The following KCTD15 variants were observed in gnomAD, a reference collection of about 807,000 sequenced individuals.
KCTD15 encodes the protein BTB/POZ domain-containing protein KCTD15.
KCTD15 carries 11 observed loss-of-function variants against 27.2 expected under a neutral mutation model. That is an observed-to-expected ratio of 0.41 (90% CI 0.25 to 0.67). KCTD15 has a LOEUF of 0.67. KCTD15 is among the 30% of genes least tolerant of loss of function. The pLI, the probability that KCTD15 is intolerant of heterozygous loss-of-function variation, is 0.35. For missense variants in KCTD15, 350 were observed against 409.3 expected (o/e 0.86, Z 1.25); for synonymous variants, 163 against 176.0 (o/e 0.93, Z 0.58).
intron 5 of KCTD15, 48 bp from the exon 6 acceptor site, chr19:33,811,199 C>CCCCCCAA: frequency 3.0e-6 from 4 of 1,327,590 alleles, no homozygotes; most frequent in Admixed American, 2.6e-5. Flanking sequence ...CTTCCCCCAC[C>CCCCCCAA]ACCCCTACTC....
intron 1 of KCTD15, among the ~76,000 whole-genome samples, chr19:33,798,099 TG>T (rs1975409860): frequency 6.7e-6 from 1 of 148,502 alleles, no homozygotes; most frequent in African/African-American, 2.5e-5. Flanking sequence ...AGGGGGGGGG[TG>T]GGGAGGCTGG....
At chr19:33,805,921 TC>T (rs1228297773) in intron 4 of KCTD15, among the ~76,000 whole-genome samples, 17 of 152,278 alleles carry the variant, frequency 1.1e-4, no homozygotes, top group Middle Eastern at 3.4e-3. Context: ...CATCAGGGGC[TC>T]CCCAAGACCC....
intron 4 of KCTD15, among the ~76,000 whole-genome samples, chr19:33,805,913 T>C (rs1975696854): frequency 6.6e-6 from 1 of 152,200 alleles, no homozygotes; most frequent in Admixed American, 6.5e-5. Context: ...GGGACAGGCA[T>C]CAGGGGCTCC....
upstream of KCTD15, among the ~76,000 whole-genome samples, chr19:33,795,492 G>T (rs958438970): frequency 1.3e-5 from 2 of 151,840 alleles, no homozygotes; most frequent in Non-Finnish European, 1.5e-5. Context: ...GGCCGGAGCC[G>T]GCGGTCGGGA....
At chr19:33,806,422 G>A (rs558492470) in intron 4 of KCTD15, among the ~76,000 whole-genome samples, 283 of 152,166 alleles carry the variant, frequency 1.9e-3, no homozygotes, top group Non-Finnish European at 3.0e-3. Context: ...GTCCTGGCTC[G>A]TTTACTGGGT....
At chr19:33,809,344 TAAAC>T (rs201347075) in intron 5 of KCTD15, among the ~76,000 whole-genome samples, 3,056 of 152,286 alleles carry the variant, frequency 0.02, 50 homozygotes, top group Non-Finnish European at 0.033. Context: ...AGTAAATAAA[TAAAC>T]AAGCAAGCAA....
intron 1 of KCTD15, among the ~76,000 whole-genome samples, chr19:33,797,901 G>A (rs1361272123): frequency 6.6e-6 from 1 of 152,168 alleles, no homozygotes; most frequent in Non-Finnish European, 1.5e-5. Context: ...TCCCATCTGT[G>A]GTCTCCAAGT....
At chr19:33,804,712 C>T (rs572866241) in intron 4 of KCTD15, among the ~76,000 whole-genome samples, 1 of 152,304 alleles carries the variant, frequency 6.6e-6, no homozygotes, top group African/African-American at 2.4e-5. Flanking sequence ...GTCCTAGGGC[C>T]TTTGTAACTG....
At chr19:33,800,271 TAGAG>T (rs752689634) in intron 2 of KCTD15, among the ~76,000 whole-genome samples, 153 bp from the exon 3 acceptor site, 14 of 151,814 alleles carry the variant, frequency 9.2e-5, no homozygotes, top group Middle Eastern at 3.4e-3. Context: ...TGGAGACAGA[TAGAG>T]AGATAGTGGC....
At chr19:33,804,539 C>T (rs1234944015) in intron 4 of KCTD15, among the ~76,000 whole-genome samples, 1 of 152,130 alleles carries the variant, frequency 6.6e-6, no homozygotes, top group Non-Finnish European at 1.5e-5. Flanking sequence ...TGCTGACTCA[C>T]CTTGGATGTA....
upstream of KCTD15, among the ~76,000 whole-genome samples, chr19:33,795,694 G>A (rs1237567232): frequency 1.3e-5 from 2 of 152,162 alleles, no homozygotes; most frequent in African/African-American, 4.8e-5. Context: ...GGAAGAGGAA[G>A]GGGAGGAGGA....
intron 1 of KCTD15, chr19:33,797,341 C>A: frequency 2.2e-6 from 1 of 446,112 alleles, no homozygotes; most frequent in South Asian, 1.6e-5. Flanking sequence ...TGTTCTGGGC[C>A]GAGCGCCCTG....
intron 6 of KCTD15, chr19:33,812,214 C>A: frequency 9.3e-7 from 1 of 1,075,386 alleles, no homozygotes; most frequent in Non-Finnish European, 1.1e-6. Context: ...CAGACCTCAC[C>A]CTCACAGAGG....
Position 33,800,418 on chromosome 19 carries a change from C to T in KCTD15, c.-27-10C>T. ...TAAGCCTTCTCTGGTTTTGTCGATG[C>T]CTCCCGCAGATACTCTGGGCAGGGA... On this transcript the variant is annotated splice_polypyrimidine_tract_variant and intron_variant, in intron 2 of 6. Coordinates refer to ENST00000683859, the MANE Select transcript of KCTD15 (RefSeq NM_001129994.2). 6.3e-7 allele frequency: 1 copy of T among 1,581,130 alleles called. No individual in the cohort carries two copies. The highest frequency in any genetic ancestry group is 8.6e-7 in the Non-Finnish European group (1 of 1,162,624).
chr19:33,797,417 C>T, intron 1 of KCTD15: 1 of 454,852 alleles, frequency 2.2e-6, no homozygotes, highest in Non-Finnish European at 4.4e-6. Context: ...ATGCACAAGT[C>T]CCGGCTTGGC....
At position 33,812,978 on chromosome 19, in the gene KCTD15, C is replaced by T; in HGVS notation, c.*30C>T. 6.6e-7 allele frequency: 1 copy of T among 1,523,242 alleles called. No individual in the cohort carries two copies. The highest frequency in any genetic ancestry group is 8.8e-7 in the Non-Finnish European group (1 of 1,135,626). 94.4% of individuals were successfully genotyped at this position (1,523,242 alleles called of 1,614,324 possible). A position where few individuals can be genotyped will look rare whatever the true frequency, so the allele number is the denominator to read the frequency against. ...TGCTTCAGTGCCCACCTGGGCCCCC[C>T]CAGGGACCTGGAAACAGTGCTGGGG... is the stretch of plus-strand genomic sequence containing the variant. On this transcript the variant is annotated 3_prime_UTR_variant, in exon 7 of 7. Transcript: ENST00000683859.
intron 4 of KCTD15, among the ~76,000 whole-genome samples, chr19:33,805,033 TC>T (rs1975670440): frequency 6.6e-6 from 1 of 152,022 alleles, no homozygotes; most frequent in Non-Finnish European, 1.5e-5. Context: ...ACTCAAGTGA[TC>T]CTCCCACCTC....
At chr19:33,797,154 G>A (rs1975344587) in intron 1 of KCTD15, among the ~76,000 whole-genome samples, 167 bp downstream of exon 1, 2 of 152,128 alleles carry the variant, frequency 1.3e-5, no homozygotes, top group African/African-American at 4.8e-5. Flanking sequence ...CCAGCACAAA[G>A]GCCTGGTGCA....
At chr19:33,797,974 C>G (rs1462541688) in intron 1 of KCTD15, among the ~76,000 whole-genome samples, 3 of 152,168 alleles carry the variant, frequency 2.0e-5, no homozygotes, top group Non-Finnish European at 4.4e-5. Flanking sequence ...CCAGCCCAGC[C>G]CCGCGCTTCG....
Sources: gnomAD v4.1 joint callset for allele counts (sites outside exome capture counted in the v4.1 genomes callset) on GRCh38, gnomAD v4.1.1 for gene constraint, MANE v1.5 for transcripts, NCBI Gene and HGNC (gene_info 2026-07-23, HGNC 2026-07-21) for gene names.